The following TAS1R2 variants were observed in gnomAD, a reference collection of about 807,000 sequenced individuals.
The protein encoded by TAS1R2 is taste receptor type 1 member 2.
A neutral mutation model predicts 49.3 loss-of-function variants in TAS1R2; 47 were observed. The ratio of observed to expected loss-of-function variants is 0.95; its 90% CI spans 0.75 to 1.22. TAS1R2 has a LOEUF of 1.22. Among genes scored for constraint, TAS1R2 ranks in the 50% most tolerant of loss-of-function variants. The pLI is 0.00. For synonymous variants in TAS1R2, 479 were observed against 467.9 expected, an observed-to-expected ratio of 1.02 and a Z score of -0.31; for missense variants, 1,155 against 1,122.1, an observed-to-expected ratio of 1.03 and a Z score of -0.42.
intron 4 of TAS1R2, among the ~76,000 whole-genome samples, chr1:18,842,818 T>C (rs1053693164): frequency 3.9e-5 from 6 of 152,162 alleles, no homozygotes; most frequent in Admixed American, 6.5e-5. Context: ...AGTTGTTCAA[T>C]GGGAATAGAG....
intron 3 of TAS1R2, among the ~76,000 whole-genome samples, chr1:18,853,166 C>A (rs1276655636): frequency 6.6e-6 from 1 of 152,208 alleles, no homozygotes. Context: ...GTCACATTGA[C>A]TTCCTGCCCC....
intron 3 of TAS1R2, among the ~76,000 whole-genome samples, chr1:18,851,149 A>G (rs571225343): frequency 1.3e-5 from 2 of 152,220 alleles, no homozygotes; most frequent in South Asian, 4.2e-4. Context: ...CTGCCTTACA[A>G]TGTACGAACA....
At chr1:18,846,435 T>TCTCCCA (rs1933921617) in intron 4 of TAS1R2, among the ~76,000 whole-genome samples, 1 of 152,142 alleles carries the variant, frequency 6.6e-6, no homozygotes, top group African/African-American at 2.4e-5. Context: ...CTCTCCCCAG[T>TCTCCCA]CTCCCACTCC....
chr1:18,841,734 G>T, exon 5 of TAS1R2: 3 of 1,613,550 alleles, frequency 1.9e-6, no homozygotes, highest in South Asian at 1.1e-5. Flanking sequence ...CATACCTTCA[G>T]TGTGGTTGAG....
At chr1:18,843,410 A>G (rs1933861856) in intron 4 of TAS1R2, among the ~76,000 whole-genome samples, 1 of 152,208 alleles carries the variant, frequency 6.6e-6, no homozygotes, top group Non-Finnish European at 1.5e-5. Flanking sequence ...TTCTAAGATA[A>G]TAGACAAGTC....
intron 4 of TAS1R2, among the ~76,000 whole-genome samples, chr1:18,843,885 T>C (rs976879225): frequency 6.6e-6 from 1 of 152,248 alleles, no homozygotes; most frequent in African/African-American, 2.4e-5. Flanking sequence ...AGGGAAATGG[T>C]ATCCAAGAAG....
Position 18,859,518 on chromosome 1 carries a change from ATGCC to A in TAS1R2, c.139_142del (p.Gly47LeufsTer17), listed in dbSNP as rs773086347. Reference sequence around the variant, plus strand: ...CACCTGCAGGAAGTTAAGGTGAACAATGCCCTTCATGTTGGCATGGAGGGAGAAG... The same window carrying A: ...CACCTGCAGGAAGTTAAGGTGAACAACTTCATGTTGGCATGGAGGGAGAAG... On this transcript the variant is annotated frameshift_variant, in exon 1 of 6. Transcript: ENST00000375371. LOFTEE classifies it high-confidence loss of function. 3.1e-6 allele frequency: 5 copies of A among 1,614,072 alleles called. No homozygotes were observed. In the African/African-American group the frequency reaches 5.3e-5, roughly 17 times the overall value.
At chr1:18,840,180 A>G (rs545084467) in exon 6 of TAS1R2, 68 of 1,614,124 alleles carry the variant, frequency 4.2e-5, no homozygotes, top group Non-Finnish European at 5.1e-5. Flanking sequence ...ACGGCGATAC[A>G]GGAGATGCAG....
intron 4 of TAS1R2, among the ~76,000 whole-genome samples, chr1:18,846,748 C>T (rs1318384448): frequency 6.6e-6 from 1 of 152,144 alleles, no homozygotes. Flanking sequence ...GAGAACACCA[C>T]CTGAAGGTGA....
chr1:18,845,770 C>G (rs1933909564), intron 4 of TAS1R2, among the ~76,000 whole-genome samples: 1 of 152,178 alleles, frequency 6.6e-6, no homozygotes, highest in African/African-American at 2.4e-5. Flanking sequence ...GGGTGGGAAT[C>G]TGCAGCAGGC....
chr1:18,848,653 G>A (rs1469788836), intron 4 of TAS1R2, among the ~76,000 whole-genome samples: 1 of 152,132 alleles, frequency 6.6e-6, no homozygotes, highest in African/African-American at 2.4e-5. Flanking sequence ...ATTACCACCT[G>A]AGCTCCACCT....
chr1:18,857,504 T>G (rs1182024480), exon 2 of TAS1R2: 4 of 1,614,058 alleles, frequency 2.5e-6, no homozygotes, highest in Non-Finnish European at 3.4e-6. Flanking sequence ...TTGTTGGAGA[T>G]GTAGCACACA....
Position 18,840,129 on chromosome 1 carries a change from G to T in TAS1R2, c.1990C>A (p.Arg664Ser), listed in dbSNP as rs745788077. The change falls in exon 6 of 6, where the codon CGC becomes AGC. Residue 664 changes from arginine to serine, a missense_variant. Physicochemically the swap from Arg to Ser is moderately radical, Grantham distance 110. Transcript: ENST00000375371. ...CAGTAGCTGTAGGCGCGTGGGAAGC[G>T]GCTGGCCATCTTGAAGGCGCAGACG... 5 of 1,614,224 alleles carry T rather than the reference G, an allele frequency of 3.1e-6. No homozygotes were observed. In the African/African-American group the frequency reaches 4.0e-5, roughly 13 times the overall value.
intron 4 of TAS1R2, 190 bp downstream of exon 4, chr1:18,849,151 T>G (rs1933974575): frequency 3.1e-6 from 2 of 647,560 alleles, no homozygotes; most frequent in South Asian, 4.1e-5. Context: ...CAGAAAGCCC[T>G]GAACAGGCAT....
At position 18,854,510 on chromosome 1, in the gene TAS1R2, G is replaced by T. The variant is rs752098415; in HGVS notation, c.960C>A (p.Gly320=). The T allele has an allele frequency of 4.3e-6, 7 of 1,613,874 alleles. No homozygotes were observed. The highest frequency in any genetic ancestry group is 5.1e-6 in the Non-Finnish European group (6 of 1,180,010). Residue 320 remains glycine (G), a synonymous_variant, in exon 3 of 6, where the codon GGC becomes GGA. Transcript: ENST00000375371. This position sits in a 1 kb window ranked among gnomAD's most constrained non-coding sequence, Gnocchi z 4.9. ...TCTGGATGGTGATGCCCAGGAAGGT[G>T]CCCAAGTGGCGCAGCTCCGTGAGGT...
At chr1:18,856,599 C>A (rs1051374843) in intron 2 of TAS1R2, among the ~76,000 whole-genome samples, 1 of 152,204 alleles carries the variant, frequency 6.6e-6, no homozygotes, top group African/African-American at 2.4e-5. Flanking sequence ...CAGTACCTGG[C>A]ACATAGTAGG....
chr1:18,839,705 A>G (rs1933778399), exon 6 of TAS1R2: 4 of 1,614,130 alleles, frequency 2.5e-6, no homozygotes, highest in African/African-American at 1.3e-5. Context: ...GAAGTAGCCC[A>G]GGCTGATGGC....
At chr1:18,859,433 C>T in intron 1 of TAS1R2, 46 bp downstream of exon 1, 1 of 1,609,454 alleles carries the variant, frequency 6.2e-7, no homozygotes, top group Non-Finnish European at 8.5e-7. Flanking sequence ...GCCTGGCCTC[C>T]CACCCCATCC....
intron 3 of TAS1R2, among the ~76,000 whole-genome samples, chr1:18,852,995 G>A (rs377747833): frequency 4.6e-5 from 7 of 152,212 alleles, no homozygotes; most frequent in African/African-American, 9.6e-5. Flanking sequence ...TTTGGTCTCC[G>A]CTGCTGGGAG....
Sources: gnomAD v4.1 joint callset for allele counts (sites outside exome capture counted in the v4.1 genomes callset) on GRCh38, gnomAD v4.1.1 for gene constraint, Gnocchi (gnomAD v3.1) non-coding constraint, MANE v1.5 for transcripts, NCBI Gene and HGNC (gene_info 2026-07-23, HGNC 2026-07-21) for gene names.